DOCK1: variants seen among roughly 807,000 people sequenced by gnomAD.
DOCK1 encodes the protein dedicator of cytokinesis 1, also known as dedicator of cytokinesis protein 1.
DOCK1 carries 138 observed loss-of-function variants against 262.7 expected under a neutral mutation model. That is an observed-to-expected ratio of 0.53 (90% CI 0.46 to 0.61). The LOEUF (loss-of-function observed/expected upper bound fraction) is 0.61, where lower values mean the gene tolerates loss of function less well. Among genes scored for constraint, DOCK1 ranks in the 20% least tolerant of loss-of-function variants. The probability of loss-of-function intolerance (pLI) is 0.00; values close to 1 mark genes in which losing one functional copy is unlikely to be tolerated. For synonymous variants in DOCK1, 866 were observed against 867.4 expected, an observed-to-expected ratio of 1.00 and a Z score of 0.03; for missense variants, 1,908 against 2,370.7, an observed-to-expected ratio of 0.80 and a Z score of 4.05.
At chr10:127,126,790 C>T (rs533905923) in intron 26 of DOCK1, among the ~76,000 whole-genome samples, 8 of 152,228 alleles carry the variant, frequency 5.3e-5, no homozygotes, top group East Asian at 3.9e-4. Context: ...TGTCCCTGGC[C>T]GTTTCCTGCA....
At position 127,411,021 on chromosome 10, in the gene DOCK1, C is replaced by T. The variant is rs568661467; in HGVS notation, c.4428+97C>T. 320 of 1,193,016 alleles carry T rather than the reference C, an allele frequency of 2.7e-4. 4 individuals carry two copies. In the South Asian group the frequency reaches 3.3e-3, roughly 12 times the overall value. 73.9% of individuals were successfully genotyped at this position (1,193,016 alleles called of 1,614,324 possible). ...AGAAGCGTGGCCTCAGAGGCAGCCA[C>T]GGAGCCATATTAAATGTCTTTGTGT... On this transcript the variant is annotated intron_variant, in intron 43 of 51. Transcript: ENST00000623213.
In DOCK1 at chr10:127,146,421, AATAAT is replaced by A. The variant is rs1381702329; in HGVS notation, c.2847+18661_2847+18665del. Among the ~76,000 whole-genome samples the A allele has an allele frequency of 2.0e-5, 3 of 152,314 alleles. No homozygotes were observed. The East Asian group carries it at 5.8e-4, about 29-fold the overall frequency. ...AATCCGTACATATTCGAGGGACATAAATAATATATTTTTGGATTTCAAATAGAAAA... is the reference window on the plus strand; with the variant it reads ...AATCCGTACATATTCGAGGGACATAAATATTTTTGGATTTCAAATAGAAAA... On this transcript the variant is annotated intron_variant, in intron 27 of 51. Transcript: ENST00000623213.
At chr10:127,139,203 A>G (rs905098867) in intron 27 of DOCK1, among the ~76,000 whole-genome samples, 2 of 152,220 alleles carry the variant, frequency 1.3e-5, no homozygotes, top group Non-Finnish European at 2.9e-5. Context: ...ATTTATAAAC[A>G]TGAAATCCTA....
intron 6 of DOCK1, among the ~76,000 whole-genome samples, chr10:126,994,632 TG>T (rs1247630555): frequency 1.3e-5 from 2 of 152,184 alleles, no homozygotes; most frequent in Non-Finnish European, 2.9e-5. Context: ...AGCACGGGGT[TG>T]GGGGTAACGT....
intron 1 of DOCK1, among the ~76,000 whole-genome samples, chr10:126,926,992 G>A (rs547264420): frequency 6.6e-6 from 1 of 150,942 alleles, no homozygotes; most frequent in African/African-American, 2.4e-5. Context: ...TTGAGACACA[G>A]GGGAAAAAGT....
chr10:127,045,350 T>C (rs780236830), intron 21 of DOCK1, among the ~76,000 whole-genome samples: 10 of 152,206 alleles, frequency 6.6e-5, no homozygotes, highest in Non-Finnish European at 1.3e-4. Context: ...TGAATTTGCA[T>C]GTCTGCACCT....
intron 38 of DOCK1, among the ~76,000 whole-genome samples, chr10:127,399,089 T>G (rs193157274): frequency 1.3e-5 from 2 of 152,252 alleles, no homozygotes; most frequent in East Asian, 3.9e-4. Flanking sequence ...TCGTATCATC[T>G]GGGGGAAAGC....
intron 27 of DOCK1, among the ~76,000 whole-genome samples, chr10:127,131,806 G>A (rs1592143860): frequency 6.6e-6 from 1 of 152,182 alleles, no homozygotes; most frequent in African/African-American, 2.4e-5. Context: ...TCTGTTTTGG[G>A]TAGGCTGTTC....
At chr10:127,202,331 A>T (rs1327658736) in intron 27 of DOCK1, among the ~76,000 whole-genome samples, 2 of 151,936 alleles carry the variant, frequency 1.3e-5, no homozygotes, top group Non-Finnish European at 2.9e-5. Context: ...TCCAAAAAAA[A>T]AAAAAGAACT....
At chr10:127,289,922 T>G (rs905987704) in intron 29 of DOCK1, among the ~76,000 whole-genome samples, 6 of 152,034 alleles carry the variant, frequency 3.9e-5, no homozygotes, top group Non-Finnish European at 8.8e-5. Flanking sequence ...TATTTTATTC[T>G]AGCTATATAT....
chr10:127,381,972 T>C (rs2065853342), intron 37 of DOCK1, among the ~76,000 whole-genome samples: 1 of 146,778 alleles, frequency 6.8e-6, no homozygotes, highest in Admixed American at 6.8e-5. Flanking sequence ...GATGGATGGA[T>C]GGATGGATGG....
rs376957709 is a variant in DOCK1, at chr10:127,037,735, C to G, written c.1929C>G (p.Leu643=). The G allele has an allele frequency of 6.8e-5, 109 of 1,591,540 alleles. No homozygotes were observed. Among genetic ancestry groups the G allele is most frequent in the Non-Finnish European group, 8.9e-5 (104 of 1,168,914 alleles). The change falls in exon 19 of 52, where the codon CTC becomes CTG. Residue 643 remains leucine, a synonymous_variant. Transcript: ENST00000623213. ...KLTQNVDLLG[L]LKWRSNTSLL... Reference sequence around the variant, plus strand: ...TGTTTCCAGTGGACCTTCTGGGGCTCTTGAAATGGCGCTCCAACACCAGCC... The same window carrying G: ...TGTTTCCAGTGGACCTTCTGGGGCTGTTGAAATGGCGCTCCAACACCAGCC...
intron 29 of DOCK1, among the ~76,000 whole-genome samples, chr10:127,262,029 CATGTGT>C (rs752672505): frequency 1.0e-4 from 10 of 96,188 alleles, no homozygotes; most frequent in East Asian, 3.2e-4. Flanking sequence ...CATGTGTGTG[CATGTGT>C]GTGTGTGTGT....
At chr10:127,304,125 G>A (rs1183626109) in intron 29 of DOCK1, among the ~76,000 whole-genome samples, 7 of 152,210 alleles carry the variant, frequency 4.6e-5, no homozygotes, top group Middle Eastern at 3.4e-3. Context: ...CACAAGAGCC[G>A]GGTTCTGTGG....
At chr10:127,330,868 T>A (rs2062946974) in intron 29 of DOCK1, among the ~76,000 whole-genome samples, 1 of 152,170 alleles carries the variant, frequency 6.6e-6, no homozygotes, top group Non-Finnish European at 1.5e-5. Context: ...GGTCCCGTGT[T>A]CAAAAAAATA....
intron 27 of DOCK1, among the ~76,000 whole-genome samples, chr10:127,163,461 G>A (rs2053772206): frequency 6.6e-6 from 1 of 152,150 alleles, no homozygotes; most frequent in Non-Finnish European, 1.5e-5. Context: ...CAAACTTTCA[G>A]TGCCCACCTC....
At chr10:127,121,292 T>C (rs1365399467) in intron 25 of DOCK1, among the ~76,000 whole-genome samples, 1 of 151,322 alleles carries the variant, frequency 6.6e-6, no homozygotes, top group Non-Finnish European at 1.5e-5. Flanking sequence ...TTGGAACTAA[T>C]GGGACTATCA....
chr10:127,017,310 C>A (rs1450311746), intron 12 of DOCK1, among the ~76,000 whole-genome samples: 1 of 146,714 alleles, frequency 6.8e-6, no homozygotes, highest in African/African-American at 2.6e-5. Context: ...TAGACACAGA[C>A]ACGCACACAG....
chr10:126,943,151 G>A (rs2035146227), intron 1 of DOCK1, among the ~76,000 whole-genome samples: 2 of 151,834 alleles, frequency 1.3e-5, no homozygotes, highest in African/African-American at 4.8e-5. Context: ...CTACACTGAG[G>A]CAGAGGCAGG....
Sources: allele counts gnomAD v4.1 joint callset (sites outside exome capture counted in the v4.1 genomes callset), GRCh38; gene constraint gnomAD v4.1.1; transcripts MANE v1.5; gene names NCBI Gene and HGNC (gene_info 2026-07-23, HGNC 2026-07-21).